MGAT4C: variants seen among roughly 807,000 people sequenced by gnomAD.
MGAT4C encodes the protein MGAT4 family member C.
A neutral mutation model predicts 40.1 loss-of-function variants in MGAT4C; 19 were observed. That is an observed-to-expected ratio of 0.47 (90% CI 0.33 to 0.70). The LOEUF (loss-of-function observed/expected upper bound fraction) is 0.70, where lower values mean the gene tolerates loss of function less well. Among genes scored for constraint, MGAT4C ranks in the 30% least tolerant of loss-of-function variants. The pLI, the probability that MGAT4C is intolerant of heterozygous loss-of-function variation, is 0.02. For missense variants in MGAT4C, 491 were observed against 563.2 expected, an observed-to-expected ratio of 0.87 and a Z score of 1.30; for synonymous variants, 181 against 187.1, an observed-to-expected ratio of 0.97 and a Z score of 0.27.
chr12:86,330,759 A>C (rs1162721528), intron 4 of MGAT4C, among the ~76,000 whole-genome samples: 1 of 152,186 alleles, frequency 6.6e-6, no homozygotes, highest in East Asian at 1.9e-4. Flanking sequence ...ATAGTGTTTA[A>C]GTTTTGTGGG....
chr12:86,082,573 A>G (rs1871034353), intron 1 of MGAT4C, among the ~76,000 whole-genome samples: 1 of 152,150 alleles, frequency 6.6e-6, no homozygotes, highest in African/African-American at 2.4e-5. Context: ...AAGAGAAAAT[A>G]AACACAGCAC....
At chr12:86,552,052 A>C (rs1157717110) in intron 2 of MGAT4C, among the ~76,000 whole-genome samples, 1 of 151,520 alleles carries the variant, frequency 6.6e-6, no homozygotes, top group Non-Finnish European at 1.5e-5. Flanking sequence ...ACCAAAAAAC[A>C]GACACTTCTA....
chr12:86,628,122 G>C (rs536985490), intron 2 of MGAT4C, among the ~76,000 whole-genome samples: 1 of 152,126 alleles, frequency 6.6e-6, no homozygotes, highest in African/African-American at 2.4e-5. Flanking sequence ...TAGCTGATTC[G>C]ATCAAGTGGA....
At chr12:86,766,360 T>G (rs1420445925) in intron 1 of MGAT4C, among the ~76,000 whole-genome samples, 2 of 152,088 alleles carry the variant, frequency 1.3e-5, no homozygotes, top group Non-Finnish European at 2.9e-5. Context: ...GCACCCAGAT[T>G]CATAAAGCAA....
chr12:86,730,894 A>T (rs1352696457), intron 1 of MGAT4C, among the ~76,000 whole-genome samples: 1 of 152,102 alleles, frequency 6.6e-6, no homozygotes, highest in Admixed American at 6.6e-5. Flanking sequence ...CTTATTCTTC[A>T]GATGTGTTCA....
chr12:86,131,300 T>G (rs1465612863), intron 1 of MGAT4C, among the ~76,000 whole-genome samples: 2 of 152,246 alleles, frequency 1.3e-5, no homozygotes, highest in Middle Eastern at 3.4e-3. Flanking sequence ...CAATAAATAC[T>G]AATTCATTTC....
intron 2 of MGAT4C, among the ~76,000 whole-genome samples, chr12:86,455,536 G>T (rs1003278698): frequency 6.6e-6 from 1 of 152,068 alleles, no homozygotes; most frequent in African/African-American, 2.4e-5. Context: ...TCTTCACAGA[G>T]CCAATGAAGC....
At chr12:86,630,486 C>T (rs1011523507) in intron 2 of MGAT4C, among the ~76,000 whole-genome samples, 40 of 151,994 alleles carry the variant, frequency 2.6e-4, no homozygotes, top group African/African-American at 2.4e-4. Flanking sequence ...TGATGAACAT[C>T]GATGCAAAAA....
chr12:86,086,962 G>A (rs995907331), intron 1 of MGAT4C, among the ~76,000 whole-genome samples: 1 of 151,908 alleles, frequency 6.6e-6, no homozygotes, highest in African/African-American at 2.4e-5. Flanking sequence ...TTTACATAAG[G>A]TCCTCCAGTT....
chr12:86,574,776 C>T (rs1394484859), intron 2 of MGAT4C, among the ~76,000 whole-genome samples: 2 of 151,566 alleles, frequency 1.3e-5, no homozygotes, highest in South Asian at 2.1e-4. Flanking sequence ...TTATTTGAAT[C>T]CCTACTATAA....
intron 2 of MGAT4C, among the ~76,000 whole-genome samples, chr12:86,509,308 T>G (rs1179231283): frequency 6.6e-6 from 1 of 152,206 alleles, no homozygotes; most frequent in Admixed American, 6.5e-5. Flanking sequence ...CACCATTTAT[T>G]TAATAGGGAA....
chr12:86,599,900 G>T lies in MGAT4C; in HGVS notation c.-229+127309C>A, dbSNP rs1961700291. 3.3e-5 allele frequency among the ~76,000 whole-genome samples: 5 copies of T among 152,220 alleles called. No individual in the cohort carries two copies. In the South Asian group the frequency reaches 1.0e-3, roughly 32 times the overall value. On this transcript the variant is annotated intron_variant, in intron 2 of 7. Transcript: ENST00000548651. ...GTTCTATGGACTCAGGTACCTCCAT[G>T]AAGTACACAGTGGTTTTTTTTTGTT... is the stretch of plus-strand genomic sequence containing the variant.
At position 86,025,094 on chromosome 12, in the gene MGAT4C, TA is replaced by T. The variant is rs200120180; in HGVS notation, c.-7+24579del. Among the ~76,000 whole-genome samples, 1,400 of 151,750 alleles carry T rather than the reference TA, an allele frequency of 9.2e-3. 15 individuals are homozygous for T. Among genetic ancestry groups the T allele is most frequent in the African/African-American group, 0.03 (1,240 of 41,510 alleles). On this transcript the variant is annotated intron_variant, in intron 2 of 4. Coordinates refer to ENST00000611864, the MANE Select transcript of MGAT4C (RefSeq NM_001351288.2). ...ATTTTTATAAATAAATAACTGAATT[TA>T]AAAATAGAAATAACCTAGATTTATT...
chr12:86,838,069 C>G (rs1371090515), intron 1 of MGAT4C, among the ~76,000 whole-genome samples: 1 of 152,112 alleles, frequency 6.6e-6, no homozygotes, highest in Non-Finnish European at 1.5e-5. Flanking sequence ...GAAACTGTAG[C>G]AATCAATTTT....
At chr12:86,662,007 T>C (rs778310601) in intron 2 of MGAT4C, among the ~76,000 whole-genome samples, 6 of 152,088 alleles carry the variant, frequency 3.9e-5, no homozygotes, top group Non-Finnish European at 7.4e-5. Context: ...GTATATTTAG[T>C]TTCTAATGTG....
intron 1 of MGAT4C, among the ~76,000 whole-genome samples, chr12:86,084,308 G>C (rs773179265): frequency 6.6e-6 from 1 of 151,960 alleles, no homozygotes; most frequent in Non-Finnish European, 1.5e-5. Flanking sequence ...AATGAAGTGT[G>C]AAATTAATTT....
chr12:86,408,479 C>CTG (rs1267344319), intron 3 of MGAT4C, among the ~76,000 whole-genome samples: 10 of 63,368 alleles, frequency 1.6e-4, no homozygotes, highest in African/African-American at 7.8e-4. Flanking sequence ...CTCTCTCTCT[C>CTG]TATATATATA....
intron 4 of MGAT4C, among the ~76,000 whole-genome samples, chr12:86,320,540 G>C (rs1186863243): frequency 6.6e-6 from 1 of 152,090 alleles, no homozygotes; most frequent in African/African-American, 2.4e-5. Context: ...TGTGCCAAAT[G>C]CTTTTCAAAC....
chr12:86,357,236 T>G (rs1042218629), intron 3 of MGAT4C, among the ~76,000 whole-genome samples: 1 of 151,986 alleles, frequency 6.6e-6, no homozygotes, highest in Non-Finnish European at 1.5e-5. Context: ...TCCAGCAAAC[T>G]CCAACAGAAC....
Sources: allele counts gnomAD v4.1 joint callset (sites outside exome capture counted in the v4.1 genomes callset), GRCh38; gene constraint gnomAD v4.1.1; transcripts MANE v1.5; gene names NCBI Gene and HGNC (gene_info 2026-07-23, HGNC 2026-07-21).